Variants in DDX60L observed in about 807,000 individuals in gnomAD.
DDX60L encodes DExD/H-box 60 like, also known as probable ATP-dependent RNA helicase DDX60-like.
Under a neutral mutation model 211.6 loss-of-function variants are expected in DDX60L, and 191 were observed. The observed-to-expected ratio is 0.90, with a 90% CI of 0.80 to 1.02. The LOEUF is 1.02. DDX60L is among the 50% of genes least tolerant of loss of function. The probability of loss-of-function intolerance (pLI) is 0.00; values close to 1 mark genes in which losing one functional copy is unlikely to be tolerated. For synonymous variants in DDX60L, 706 were observed against 694.1 expected (o/e 1.02, Z -0.27); for missense variants, 2,007 against 1,984.1 (o/e 1.01, Z -0.22).
Position 168,420,315 on chromosome 4 carries a change from T to C in DDX60L, c.2460A>G (p.Arg820=). ...CTCTTGTAAAAGCACCGCATAGAGT[T>C]CTGCCGGCAGGCAACGTTTTAGTAA... ...NRFTKTLPAG[R]TLCGAFTRDY... The change falls in exon 18 of 38, where the codon AGA becomes AGG. Residue 820 remains arginine, a synonymous_variant. Coordinates refer to ENST00000682922, the MANE Select transcript of DDX60L (RefSeq NM_001012967.3). 10 of 1,612,306 alleles carry C rather than the reference T, an allele frequency of 6.2e-6. No individual in the cohort carries two copies. Among genetic ancestry groups the C allele is most frequent in the Non-Finnish European group, 8.5e-6 (10 of 1,179,414 alleles).
At chr4:168,437,290 C>A (rs146070544) in intron 10 of DDX60L, among the ~76,000 whole-genome samples, 317 of 152,220 alleles carry the variant, frequency 2.1e-3, no homozygotes, top group Non-Finnish European at 3.0e-3. Context: ...GCTATTCTTA[C>A]AAGAACAGAG....
chr4:168,358,405 C>T, intron 37 of DDX60L, 129 bp from the exon 38 acceptor site: 1 of 627,636 alleles, frequency 1.6e-6, no homozygotes, highest in Non-Finnish European at 2.6e-6. Context: ...AAAAAGTACG[C>T]AGAATATTAA....
chr4:168,412,661 T>C (rs1748886426), intron 22 of DDX60L, among the ~76,000 whole-genome samples: 1 of 152,206 alleles, frequency 6.6e-6, no homozygotes, highest in African/African-American at 2.4e-5. Flanking sequence ...TGTAGAGTCC[T>C]CAGGCCTTGA....
chr4:168,479,981 CAAAAAAA>C (rs60737462), intron 1 of DDX60L, among the ~76,000 whole-genome samples: 6 of 100,886 alleles, frequency 5.9e-5, no homozygotes, highest in Non-Finnish European at 8.0e-5. Context: ...GAGACTGACT[CAAAAAAA>C]AAAAAAAAAA....
chr4:168,405,900 AAACAATT>A (rs1747667807), intron 24 of DDX60L, 43 bp downstream of exon 24: 2 of 1,499,268 alleles, frequency 1.3e-6, no homozygotes, highest in East Asian at 2.4e-5. Context: ...ATGCAACTCC[AAACAATT>A]AACAATTAAG....
rs78107345 is a variant in DDX60L, at chr4:168,461,100, T to G, written c.606+599A>C. Among the ~76,000 whole-genome samples, 1,288 of 152,246 alleles carry G rather than the reference T, an allele frequency of 8.5e-3. 46 individuals are homozygous for G. The highest frequency in any genetic ancestry group is 0.078 in the East Asian group (406 of 5,176). ...TTTATAGAGCTTAATATCTAGCCCC[T>G]CTTACTCTCCTTCCCAGAGGTTGGT... is the stretch of plus-strand genomic sequence containing the variant. On this transcript the variant is annotated intron_variant, in intron 5 of 37. Coordinates refer to ENST00000682922, the MANE Select transcript of DDX60L (RefSeq NM_001012967.3).
intron 7 of DDX60L, among the ~76,000 whole-genome samples, chr4:168,455,758 A>C (rs1756476860): frequency 6.6e-6 from 1 of 152,228 alleles, no homozygotes; most frequent in South Asian, 2.1e-4. Context: ...CTACTAAGTG[A>C]AACACCAGAT....
At chr4:168,378,941 C>T (rs1392160968) in intron 32 of DDX60L, among the ~76,000 whole-genome samples, 1 of 152,172 alleles carries the variant, frequency 6.6e-6, no homozygotes. Context: ...CCTACCAACA[C>T]TTCTAAACAC....
chr4:168,467,074 A>G (rs764354549), intron 4 of DDX60L, among the ~76,000 whole-genome samples: 50 of 152,168 alleles, frequency 3.3e-4, no homozygotes, highest in Non-Finnish European at 6.5e-4. Flanking sequence ...CTTCTGTGTT[A>G]TTCAGTGTAA....
At chr4:168,384,884 CTT>C in intron 29 of DDX60L, 72 bp from the exon 30 acceptor site, 2 of 1,407,774 alleles carry the variant, frequency 1.4e-6, no homozygotes, top group Admixed American at 4.0e-5. Flanking sequence ...AGATTTATGA[CTT>C]TACACTTGTT....
At chr4:168,438,814 C>T (rs1041041341) in intron 10 of DDX60L, among the ~76,000 whole-genome samples, 5 of 152,140 alleles carry the variant, frequency 3.3e-5, no homozygotes, top group Non-Finnish European at 7.3e-5. Context: ...GACCATGTGA[C>T]CAGTTACAGA....
chr4:168,451,511 G>T (rs1755797333), intron 8 of DDX60L, among the ~76,000 whole-genome samples: 5 of 152,138 alleles, frequency 3.3e-5, no homozygotes, highest in Non-Finnish European at 5.9e-5. Context: ...AAAGCCTAAA[G>T]AACTCTTGTA....
chr4:168,469,011 T>G (rs559140244), intron 4 of DDX60L: 1 of 152,340 alleles, frequency 6.6e-6, no homozygotes, highest in African/African-American at 2.4e-5. Context: ...AAAGACTATA[T>G]TGGTCTACAA....
chr4:168,390,672 AT>A (rs1368670562), intron 29 of DDX60L: 4 of 407,302 alleles, frequency 9.8e-6, no homozygotes, highest in Admixed American at 4.4e-5. Context: ...AGAGGAGGTG[AT>A]TTTTCTTCCC....
chr4:168,424,047 T>A (rs1287440941), intron 14 of DDX60L, among the ~76,000 whole-genome samples: 3 of 152,262 alleles, frequency 2.0e-5, no homozygotes, highest in Non-Finnish European at 2.9e-5. Flanking sequence ...TTGTGATTTA[T>A]AGCAGAAATA....
At chr4:168,371,925 T>C (rs1741104088) in intron 35 of DDX60L, among the ~76,000 whole-genome samples, 162 bp from the exon 36 acceptor site, 1 of 151,634 alleles carries the variant, frequency 6.6e-6, no homozygotes, top group African/African-American at 2.4e-5. Flanking sequence ...TTGAGGGAAA[T>C]AGGGCCCATT....
chr4:168,421,616 C>G (rs1033338681), intron 17 of DDX60L, 144 bp downstream of exon 17: 2 of 1,113,798 alleles, frequency 1.8e-6, no homozygotes, highest in East Asian at 5.1e-5. Flanking sequence ...GATCGCGCCA[C>G]TGCACTCCAG....
intron 28 of DDX60L, among the ~76,000 whole-genome samples, chr4:168,392,330 T>C (rs1744977219): frequency 1.3e-5 from 2 of 152,218 alleles, no homozygotes; most frequent in African/African-American, 4.8e-5. Context: ...TGCATATAGC[T>C]GCTCTCTCTT....
intron 13 of DDX60L, among the ~76,000 whole-genome samples, chr4:168,428,917 G>A (rs1751895355): frequency 6.6e-6 from 1 of 152,220 alleles, no homozygotes; most frequent in South Asian, 2.1e-4. Flanking sequence ...TAGTGTAAAG[G>A]CAGGAAGAGA....
Sources: allele counts gnomAD v4.1 joint callset (sites outside exome capture counted in the v4.1 genomes callset), GRCh38; gene constraint gnomAD v4.1.1; transcripts MANE v1.5; gene names NCBI Gene and HGNC (gene_info 2026-07-23, HGNC 2026-07-21).